RIMS1: variants seen among roughly 807,000 people sequenced by gnomAD.
RIMS1 encodes regulating synaptic membrane exocytosis protein 1.
RIMS1 carries 83 observed loss-of-function variants against 214.1 expected under a neutral mutation model. The ratio of observed to expected loss-of-function variants is 0.39; its 90% CI spans 0.32 to 0.47. RIMS1 has a LOEUF of 0.47. RIMS1 is among the 20% of genes least tolerant of loss of function. The pLI is 0.99. For missense variants in RIMS1, 2,050 were observed against 2,161.8 expected (o/e 0.95, Z 1.03); for synonymous variants, 793 against 786.8 (o/e 1.01, Z -0.13).
intron 6 of RIMS1, among the ~76,000 whole-genome samples, chr6:72,212,242 CATTT>C (rs2053947224): frequency 1.3e-5 from 2 of 151,474 alleles, no homozygotes; most frequent in Non-Finnish European, 2.9e-5. Flanking sequence ...ATATGCATCT[CATTT>C]ATCAGAAGGT....
intron 28 of RIMS1, among the ~76,000 whole-genome samples, chr6:72,319,371 G>A (rs900862561): frequency 6.6e-6 from 1 of 152,138 alleles, no homozygotes; most frequent in African/African-American, 2.4e-5. Flanking sequence ...GGGAGGTAAA[G>A]GTTGATACAG....
chr6:72,377,219 C>T (rs1328012682), intron 29 of RIMS1, among the ~76,000 whole-genome samples: 4 of 152,184 alleles, frequency 2.6e-5, no homozygotes, highest in African/African-American at 4.8e-5. Flanking sequence ...CAAACCTTGG[C>T]TCCGTCCTGT....
At chr6:72,010,343 G>A (rs1809936001) in intron 2 of RIMS1, among the ~76,000 whole-genome samples, 1 of 152,112 alleles carries the variant, frequency 6.6e-6, no homozygotes, top group Non-Finnish European at 1.5e-5. Context: ...AATAATAAGA[G>A]CTATCTATGA....
chr6:72,317,188 T>A (rs1435778075), intron 28 of RIMS1: 1 of 322,306 alleles, frequency 3.1e-6, no homozygotes, highest in Admixed American at 4.0e-5. Context: ...TAGCAGGGAC[T>A]TGATGCTGAA....
intron 2 of RIMS1, among the ~76,000 whole-genome samples, chr6:72,013,132 C>A (rs890890214): frequency 1.3e-5 from 2 of 152,160 alleles, no homozygotes; most frequent in South Asian, 4.1e-4. Context: ...TAAACCTATT[C>A]ACATATTTGT....
intron 4 of RIMS1, among the ~76,000 whole-genome samples, chr6:72,117,987 C>G (rs1222022145): frequency 6.6e-6 from 1 of 151,492 alleles, no homozygotes; most frequent in Non-Finnish European, 1.5e-5. Flanking sequence ...AACTAAAAAT[C>G]AATTATTTAA....
intron 6 of RIMS1, among the ~76,000 whole-genome samples, chr6:72,184,781 A>T (rs1168839603): frequency 6.6e-6 from 1 of 151,236 alleles, no homozygotes; most frequent in East Asian, 1.9e-4. Context: ...AAAAAGTGCC[A>T]AAAAGGACAT....
At chr6:71,980,156 A>G (rs1266270136) in intron 2 of RIMS1, among the ~76,000 whole-genome samples, 2 of 152,114 alleles carry the variant, frequency 1.3e-5, no homozygotes, top group Admixed American at 1.3e-4. Flanking sequence ...GTGAAAAAAC[A>G]GGAAGCTTAT....
At chr6:72,187,743 C>T (rs1003903186) in intron 6 of RIMS1, among the ~76,000 whole-genome samples, 6 of 152,110 alleles carry the variant, frequency 3.9e-5, no homozygotes, top group African/African-American at 1.4e-4. Context: ...CCGCCCACCT[C>T]GGCCTCCCAA....
At chr6:72,360,645 A>G (rs1025677290) in intron 29 of RIMS1, among the ~76,000 whole-genome samples, 1 of 150,664 alleles carries the variant, frequency 6.6e-6, no homozygotes, top group African/African-American at 2.4e-5. Context: ...CTACATGTAT[A>G]TGTGTGTATA....
intron 1 of RIMS1, among the ~76,000 whole-genome samples, chr6:71,943,361 C>A (rs1436785097): frequency 1.3e-5 from 2 of 152,126 alleles, no homozygotes; most frequent in African/African-American, 4.8e-5. Context: ...GGAGGGATGA[C>A]TTTATATATA....
chr6:71,942,208 G>A (rs74620699), intron 1 of RIMS1, among the ~76,000 whole-genome samples: 2,952 of 152,270 alleles, frequency 0.019, 81 homozygotes, highest in African/African-American at 0.065. Flanking sequence ...TGTAAGGCCA[G>A]TATAGGTAAC....
At chr6:72,032,399 A>G (rs1818386201) in intron 2 of RIMS1, among the ~76,000 whole-genome samples, 1 of 152,088 alleles carries the variant, frequency 6.6e-6, no homozygotes, top group Non-Finnish European at 1.5e-5. Flanking sequence ...CTCACATTAT[A>G]CTGATATATA....
chr6:72,337,739 C>A (rs545851535), intron 29 of RIMS1, among the ~76,000 whole-genome samples: 3 of 104,214 alleles, frequency 2.9e-5, no homozygotes, highest in African/African-American at 1.1e-4. Context: ...ATCCCTCCCC[C>A]CTCCCCCCAC....
intron 6 of RIMS1, among the ~76,000 whole-genome samples, chr6:72,197,337 A>G (rs2051156514): frequency 6.6e-6 from 1 of 152,156 alleles, no homozygotes; most frequent in Non-Finnish European, 1.5e-5. Flanking sequence ...AAAGATAGGA[A>G]GAACCACGAT....
chr6:72,278,160 TATC>T (rs2087730940), intron 23 of RIMS1, among the ~76,000 whole-genome samples: 1 of 111,822 alleles, frequency 8.9e-6, no homozygotes, highest in Admixed American at 8.3e-5. Flanking sequence ...TTAATCTATC[TATC>T]TATCTATCTA....
chr6:72,158,183 C>T lies in RIMS1; in HGVS notation c.472-21392C>T, dbSNP rs988531018. On this transcript the variant is annotated intron_variant, in intron 4 of 33. Transcript: ENST00000521978. ...AAAACACTCTTTAGTATTTCTTTTC[C>T]TGTGATGCTTCTGGTAACACATTCA... is the stretch of plus-strand genomic sequence containing the variant. Among the ~76,000 whole-genome samples, 114 of 139,914 alleles carry T rather than the reference C, an allele frequency of 8.1e-4. 12 individuals carry two copies. The highest frequency in any genetic ancestry group is 2.2e-3 in the African/African-American group (87 of 40,034). The allele number at this position is 139,914 out of a possible 152,430, so 91.8% of individuals were successfully genotyped here.
intron 29 of RIMS1, among the ~76,000 whole-genome samples, chr6:72,377,975 G>C (rs961685893): frequency 6.6e-6 from 1 of 152,180 alleles, no homozygotes; most frequent in Non-Finnish European, 1.5e-5. Context: ...TACACATGCT[G>C]TCTGCCTCTC....
At chr6:72,048,915 T>C (rs564526050) in intron 2 of RIMS1, among the ~76,000 whole-genome samples, 4 of 152,258 alleles carry the variant, frequency 2.6e-5, no homozygotes, top group African/African-American at 9.6e-5. Flanking sequence ...GTGGGCATGA[T>C]CCAGGGCTTT....
Sources: allele counts gnomAD v4.1 joint callset (sites outside exome capture counted in the v4.1 genomes callset), GRCh38; gene constraint gnomAD v4.1.1; transcripts MANE v1.5; gene names NCBI Gene and HGNC (gene_info 2026-07-23, HGNC 2026-07-21).